CBR4: variants seen among roughly 807,000 people sequenced by gnomAD.
The protein encoded by CBR4 is 3-oxoacyl-[acyl-carrier-protein] reductase.
Under a neutral mutation model 21.0 loss-of-function variants are expected in CBR4, and 22 were observed. The observed-to-expected ratio is 1.05, with a 90% CI of 0.75 to 1.50. CBR4 has a LOEUF of 1.50. Among genes scored for constraint, CBR4 ranks in the 40% most tolerant of loss-of-function variants. The pLI is 0.00. For missense variants in CBR4, 302 were observed against 286.3 expected (o/e 1.05, Z -0.40); for synonymous variants, 100 against 104.4 (o/e 0.96, Z 0.26).
intron 2 of CBR4, among the ~76,000 whole-genome samples, chr4:168,900,283 C>T (rs1338303853): frequency 6.6e-6 from 1 of 152,040 alleles, no homozygotes; most frequent in Non-Finnish European, 1.5e-5. Flanking sequence ...GGACAGACAT[C>T]CAAACCATAT....
intron 2 of CBR4, among the ~76,000 whole-genome samples, chr4:168,951,063 T>C (rs577863481): frequency 6.6e-6 from 1 of 152,194 alleles, no homozygotes; most frequent in South Asian, 2.1e-4. Flanking sequence ...TATATCTTTT[T>C]TTCTTCTTTT....
intron 4 of CBR4, among the ~76,000 whole-genome samples, chr4:168,992,257 A>G (rs78250062): frequency 0.015 from 2,269 of 152,344 alleles, 37 homozygotes; most frequent in South Asian, 0.049. Context: ...AGAATAATGC[A>G]GGTATTAAAA....
At chr4:168,908,718 G>A (rs1169217213) in intron 2 of CBR4, among the ~76,000 whole-genome samples, 1 of 152,124 alleles carries the variant, frequency 6.6e-6, no homozygotes, top group African/African-American at 2.4e-5. Flanking sequence ...CAGATGAAAT[G>A]AAATAACCAA....
At chr4:169,006,020 C>T (rs72704286) in intron 3 of CBR4, 7,860 of 663,554 alleles carry the variant, frequency 0.012, 50 homozygotes, top group Non-Finnish European at 0.015. Context: ...TTAAGTTCTA[C>T]AGGCATATAC....
chr4:168,961,505 AC>A (rs764967105), intron 2 of CBR4, among the ~76,000 whole-genome samples: 27 of 152,194 alleles, frequency 1.8e-4, no homozygotes, highest in Admixed American at 5.9e-4. Flanking sequence ...CAATATGTGT[AC>A]TTTTCTAGGT....
intron 2 of CBR4, among the ~76,000 whole-genome samples, chr4:168,896,000 A>G (rs1755046621): frequency 1.3e-5 from 2 of 152,224 alleles, no homozygotes; most frequent in African/African-American, 4.8e-5. Context: ...ACCTGAGGTC[A>G]GGAGTTCAAG....
chr4:168,980,473 C>A (rs534934009), intron 2 of CBR4, among the ~76,000 whole-genome samples: 1 of 151,914 alleles, frequency 6.6e-6, no homozygotes, highest in East Asian at 1.9e-4. Context: ...TGGTGGCTCA[C>A]GCCTGTAATC....
chr4:168,951,771 G>T (rs1057236427), intron 2 of CBR4, among the ~76,000 whole-genome samples: 6 of 152,206 alleles, frequency 3.9e-5, no homozygotes, highest in African/African-American at 1.4e-4. Context: ...TAGGGTTTCT[G>T]CTGAGAAATC....
At chr4:168,896,712 C>G (rs1463920258) in intron 2 of CBR4, 1 of 668,774 alleles carries the variant, frequency 1.5e-6, no homozygotes, top group African/African-American at 1.8e-5. Context: ...ATTATAAATG[C>G]TATGACCAGT....
intron 2 of CBR4, among the ~76,000 whole-genome samples, chr4:168,950,757 A>G (rs1763517777): frequency 6.6e-6 from 1 of 152,116 alleles, no homozygotes; most frequent in African/African-American, 2.4e-5. Flanking sequence ...TGTTTTATAA[A>G]ACTGGGAGCT....
chr4:168,921,919 T>G (rs1761589159), intron 2 of CBR4, among the ~76,000 whole-genome samples: 1 of 152,066 alleles, frequency 6.6e-6, no homozygotes, highest in Non-Finnish European at 1.5e-5. Context: ...ACAGAAATCT[T>G]TCATTTCTCC....
Position 168,987,773 on chromosome 4 carries a change from GTAAAT to G in CBR4, c.*2372_*2376del, listed in dbSNP as rs935987822. On this transcript the variant is annotated 3_prime_UTR_variant, in exon 5 of 5. Coordinates refer to ENST00000306193, the MANE Select transcript of CBR4 (RefSeq NM_032783.5). ...TCTTTATTCTGAATAACAGAAGCAC[GTAAAT>G]TAAATTATCCTCTTTGCACAATTAT... The G allele has an allele frequency of 1.6e-5, 16 of 984,536 alleles. No homozygotes were observed. The highest frequency in any genetic ancestry group is 1.1e-4 in the East Asian group (1 of 8,820). The allele number at this position is 984,536 out of a possible 1,614,324, so 61.0% of individuals were successfully genotyped here. A position where few individuals can be genotyped will look rare whatever the true frequency, so the allele number is the denominator to read the frequency against.
chr4:169,005,895 C>T (rs997500246), intron 3 of CBR4: 1 of 1,288,578 alleles, frequency 7.8e-7, no homozygotes, highest in South Asian at 1.2e-5. Flanking sequence ...TTTTATGGAG[C>T]AGCATCTCCC....
intron 2 of CBR4, chr4:168,927,873 AAAG>A (rs1224975574): frequency 4.8e-6 from 1 of 209,602 alleles, no homozygotes; most frequent in African/African-American, 2.3e-5. Context: ...TTTGCTATGA[AAAG>A]AAAACACTGT....
chr4:169,002,350 T>G (rs1730525396), intron 3 of CBR4, 145 bp from the exon 4 acceptor site: 1 of 862,574 alleles, frequency 1.2e-6, no homozygotes, highest in African/African-American at 1.8e-5. Context: ...TTCTAACCAT[T>G]GTCATCAGTC....
In CBR4 at chr4:168,925,901, G is replaced by T. The variant is rs546239084; in HGVS notation, n.170-31136C>A. On this transcript the variant is annotated intron_variant and non_coding_transcript_variant, in intron 2 of 3. Transcript: ENST00000509108. The stretch of plus-strand genomic sequence containing the variant: ...AGAAAATATTTTTTAAAAGGAGAGG[G>T]GGGATGAGAATTAGGAAGCTTATCA... 5.3e-5 allele frequency among the ~76,000 whole-genome samples: 8 copies of T among 152,126 alleles called. No homozygotes were observed. The South Asian group carries it at 1.7e-3, about 32-fold the overall frequency.
At chr4:168,945,351 G>A (rs1054319366) in intron 2 of CBR4, among the ~76,000 whole-genome samples, 4 of 152,172 alleles carry the variant, frequency 2.6e-5, no homozygotes, top group African/African-American at 4.8e-5. Context: ...GAACCTCGAA[G>A]AATCTCTACA....
At position 168,905,138 on chromosome 4, in the gene CBR4, GTTTTTTTT is replaced by G. The variant is rs777740588; in HGVS notation, n.170-10381_170-10374del. ...TGAGACTTTGTTTTTTGTTTTGTTG[GTTTTTTTT>G]TTTTTTTTTTTTTTTTTTTTTTGAG... On this transcript the variant is annotated intron_variant and non_coding_transcript_variant, in intron 2 of 3. Coordinates refer to the CBR4 transcript ENST00000509108. Among the ~76,000 whole-genome samples, 2 of 34,524 alleles carry G rather than the reference GTTTTTTTT, an allele frequency of 5.8e-5. 1 individual carries two copies. The highest frequency in any genetic ancestry group is 5.7e-4 in the Admixed American group (2 of 3,520). The allele number at this position is 34,524 out of a possible 152,430, so 22.6% of individuals were successfully genotyped here. A position where few individuals can be genotyped will look rare whatever the true frequency, so the allele number is the denominator to read the frequency against.
At chr4:168,934,282 C>CAAAAAAAAAAAAAAAAAAAAAAAAAAAA in intron 2 of CBR4, among the ~76,000 whole-genome samples, 1 of 18,200 alleles carries the variant, frequency 5.5e-5, no homozygotes, top group Non-Finnish European at 1.0e-4. Context: ...GCAAAAAAAA[C>CAAAAAAAAAAAAAAAAAAAAAAAAAAAA]AAAAAAAAAA....
Sources: gnomAD v4.1 joint callset for allele counts (sites outside exome capture counted in the v4.1 genomes callset) on GRCh38, gnomAD v4.1.1 for gene constraint, MANE v1.5 for transcripts, NCBI Gene and HGNC (gene_info 2026-07-23, HGNC 2026-07-21) for gene names.